The following CPNE4 variants were observed in gnomAD, a reference collection of about 807,000 sequenced individuals.
CPNE4 encodes the protein copine 4.
A neutral mutation model predicts 67.9 loss-of-function variants in CPNE4; 25 were observed. The observed-to-expected ratio is 0.37, with a 90% CI of 0.27 to 0.51. CPNE4 has a LOEUF of 0.51. Ranked by LOEUF, CPNE4 falls within the 20% of genes least tolerant of loss-of-function variation. The pLI, the probability that CPNE4 is intolerant of heterozygous loss-of-function variation, is 0.93. For missense variants in CPNE4, 464 were observed against 690.8 expected (o/e 0.67, Z 3.68); for synonymous variants, 242 against 244.9 (o/e 0.99, Z 0.11).
chr3:131,650,905 A>G (rs1460799451), intron 7 of CPNE4, among the ~76,000 whole-genome samples: 5 of 152,158 alleles, frequency 3.3e-5, no homozygotes, highest in Non-Finnish European at 7.3e-5. Flanking sequence ...ATGGTAAACC[A>G]TTTCAAACCA....
intron 2 of CPNE4, among the ~76,000 whole-genome samples, chr3:131,800,945 C>T (rs1028185729): frequency 2.0e-5 from 3 of 152,122 alleles, no homozygotes; most frequent in Admixed American, 1.3e-4. Flanking sequence ...ATCAGATCAT[C>T]ATAGCAAAAA....
intron 2 of CPNE4, among the ~76,000 whole-genome samples, chr3:131,870,986 G>A (rs1034159352): frequency 6.6e-6 from 1 of 152,100 alleles, no homozygotes; most frequent in South Asian, 2.1e-4. Flanking sequence ...GTGTGATAAG[G>A]GGTGGGGAAA....
chr3:131,949,401 G>C (rs1376730562), intron 1 of CPNE4, among the ~76,000 whole-genome samples: 3 of 152,166 alleles, frequency 2.0e-5, no homozygotes, highest in African/African-American at 7.2e-5. Flanking sequence ...GAGGAAAGCA[G>C]ACAATATCTA....
At chr3:131,592,008 A>C (rs1409272718) in intron 7 of CPNE4, among the ~76,000 whole-genome samples, 1 of 152,178 alleles carries the variant, frequency 6.6e-6, no homozygotes, top group African/African-American at 2.4e-5. Flanking sequence ...TAGGTATAAT[A>C]TCTTTAAAAA....
At chr3:131,797,888 G>C (rs1377875292) in intron 2 of CPNE4, among the ~76,000 whole-genome samples, 1 of 152,238 alleles carries the variant, frequency 6.6e-6, no homozygotes, top group East Asian at 1.9e-4. Context: ...CCACAGACTG[G>C]GTGGTTTAAA....
At chr3:131,643,757 G>C (rs1296054967) in intron 7 of CPNE4, among the ~76,000 whole-genome samples, 1 of 152,152 alleles carries the variant, frequency 6.6e-6, no homozygotes, top group Non-Finnish European at 1.5e-5. Flanking sequence ...CCATGCTGCT[G>C]TTCTCATGAT....
chr3:131,844,432 A>G (rs754768011), intron 2 of CPNE4, among the ~76,000 whole-genome samples: 2 of 151,846 alleles, frequency 1.3e-5, no homozygotes, highest in Non-Finnish European at 2.9e-5. Flanking sequence ...ACACCTGGCT[A>G]ATGTTTGTAT....
intron 2 of CPNE4, among the ~76,000 whole-genome samples, chr3:131,834,653 G>A (rs2085490295): frequency 6.6e-6 from 1 of 151,872 alleles, no homozygotes; most frequent in South Asian, 2.1e-4. Flanking sequence ...TGATTTAAAG[G>A]TAAAACAAAT....
At chr3:131,819,112 CACAA>C (rs1441507527) in intron 2 of CPNE4, among the ~76,000 whole-genome samples, 9 of 151,974 alleles carry the variant, frequency 5.9e-5, no homozygotes, top group Admixed American at 3.3e-4. Context: ...AACAAAAAAA[CACAA>C]ACAAACCAGG....
intron 1 of CPNE4, among the ~76,000 whole-genome samples, chr3:131,994,911 C>G (rs2073252426): frequency 1.3e-5 from 2 of 152,146 alleles, no homozygotes; most frequent in Non-Finnish European, 2.9e-5. Context: ...CCTTGCTATG[C>G]CAAACAATTT....
rs374044883 is a variant in CPNE4, at chr3:131,611,037, G to A, written c.682-23455C>T. ...CACATTTTCTTTAACCTTTATGTCC[G>A]TGATATAAAATTCCTGTTTTCTTAT... On this transcript the variant is annotated intron_variant, in intron 7 of 15. Coordinates refer to ENST00000429747, the MANE Select transcript of CPNE4 (RefSeq NM_130808.3). 7.9e-5 allele frequency among the ~76,000 whole-genome samples: 12 copies of A among 152,204 alleles called. No homozygotes were observed. The East Asian group carries it at 1.2e-3, about 15-fold the overall frequency.
intron 2 of CPNE4, among the ~76,000 whole-genome samples, chr3:131,783,182 C>G (rs963976524): frequency 2.0e-5 from 3 of 152,064 alleles, no homozygotes; most frequent in Non-Finnish European, 4.4e-5. Context: ...TTCCTCTAAT[C>G]CCTATGTCCT....
At chr3:131,936,574 G>C (rs2071229469) in intron 1 of CPNE4, among the ~76,000 whole-genome samples, 4 of 151,930 alleles carry the variant, frequency 2.6e-5, no homozygotes, top group African/African-American at 9.7e-5. Context: ...TCAAACTTTT[G>C]CTCACTGAAG....
In CPNE4 at chr3:131,631,805, A is replaced by G. The variant is rs192521344; in HGVS notation, c.681+37870T>C. The stretch of plus-strand genomic sequence containing the variant: ...CTGGAGATGAATGGGAGAGTTGTGG[A>G]AGGAGATTTTAGATTTTTTGAGGGC... On this transcript the variant is annotated intron_variant, in intron 7 of 15. Coordinates refer to ENST00000429747, the MANE Select transcript of CPNE4 (RefSeq NM_130808.3). Among the ~76,000 whole-genome samples, 521 of 151,876 alleles carry G rather than the reference A, an allele frequency of 3.4e-3. 3 individuals are homozygous for G. The highest frequency in any genetic ancestry group is 0.012 in the African/African-American group (480 of 41,400).
chr3:132,029,975 C>T (rs1285242241), intron 1 of CPNE4, among the ~76,000 whole-genome samples: 1 of 152,218 alleles, frequency 6.6e-6, no homozygotes, highest in Non-Finnish European at 1.5e-5. Flanking sequence ...AGAACATGCA[C>T]ATTAACAGAG....
chr3:132,038,921 A>C (rs935601577), upstream of CPNE4, among the ~76,000 whole-genome samples: 1 of 152,210 alleles, frequency 6.6e-6, no homozygotes, highest in African/African-American at 2.4e-5. Flanking sequence ...CTTTTCTTGC[A>C]GATGGGGTAG....
chr3:131,905,156 C>G (rs2088696195), intron 2 of CPNE4, 108 bp downstream of exon 2: 1 of 992,584 alleles, frequency 1.0e-6, no homozygotes, highest in Admixed American at 2.4e-5. Context: ...ATTCACTTCT[C>G]AAATTTCTTA....
intron 2 of CPNE4, among the ~76,000 whole-genome samples, chr3:131,860,738 A>G (rs1223752650): frequency 6.6e-6 from 1 of 152,220 alleles, no homozygotes; most frequent in Non-Finnish European, 1.5e-5. Flanking sequence ...AAGATGCTAG[A>G]AGAATAAAGT....
At chr3:131,565,737 G>A (rs769802418) in intron 10 of CPNE4, among the ~76,000 whole-genome samples, 2 of 150,532 alleles carry the variant, frequency 1.3e-5, no homozygotes, top group Non-Finnish European at 3.0e-5. Context: ...ATAAACTTAG[G>A]ATTCAAACTC....
Sources: allele counts gnomAD v4.1 joint callset (sites outside exome capture counted in the v4.1 genomes callset), GRCh38; gene constraint gnomAD v4.1.1; transcripts MANE v1.5; gene names NCBI Gene and HGNC (gene_info 2026-07-23, HGNC 2026-07-21).